ADCY7: variants seen among roughly 807,000 people sequenced by gnomAD.
ADCY7 encodes the protein adenylate cyclase 7.
In ADCY7, 72 loss-of-function variants were observed where a neutral mutation model predicts 120.6. That is an observed-to-expected ratio of 0.60 (90% CI 0.49 to 0.73). The LOEUF is 0.73. ADCY7 is among the 30% of genes least tolerant of loss of function. ADCY7 has a pLI of 0.00. For synonymous variants in ADCY7, 661 were observed against 628.0 expected (o/e 1.05, Z -0.78); for missense variants, 1,227 against 1,486.0 (o/e 0.83, Z 2.87).
At chr16:50,252,927 ACTT>A (rs1402662056) in intron 1 of ADCY7, among the ~76,000 whole-genome samples, 3 of 152,156 alleles carry the variant, frequency 2.0e-5, no homozygotes, top group Admixed American at 1.3e-4. Flanking sequence ...ATTCTTCCAG[ACTT>A]CTTTTCTTTT....
chr16:50,294,565 C>G, intron 6 of ADCY7, 75 bp from the exon 7 acceptor site: 1 of 995,462 alleles, frequency 1.0e-6, no homozygotes, highest in Non-Finnish European at 1.5e-6. Context: ...GGGCTCCAGA[C>G]AGTCCTGCGT....
chr16:50,314,116 C>G (rs1324983132), intron 23 of ADCY7, 54 bp downstream of exon 23: 1 of 1,515,818 alleles, frequency 6.6e-7, no homozygotes, highest in Non-Finnish European at 9.1e-7. Context: ...TAAAGGTGAC[C>G]TGTCACCTTA....
upstream of ADCY7, among the ~76,000 whole-genome samples, chr16:50,245,440 C>T (rs2032549703): frequency 6.6e-6 from 1 of 152,164 alleles, no homozygotes; most frequent in Non-Finnish European, 1.5e-5. Context: ...ACCTCCTCTG[C>T]CCCTCCCAGG....
Position 50,301,064 on chromosome 16 carries a change from G to A in ADCY7, c.1236-18G>A. On this transcript the variant is annotated intron_variant, in intron 9 of 25. Transcript: ENST00000673801. ...CTCTCTGGGCCCCAAGGCTCTGCCTGACTTGGGTCTCCCGTAGCCGGGTGC... is the reference window on the plus strand; with the variant it reads ...CTCTCTGGGCCCCAAGGCTCTGCCTAACTTGGGTCTCCCGTAGCCGGGTGC... 1 of 1,611,930 alleles carries A rather than the reference G, an allele frequency of 6.2e-7. No homozygotes were observed. Among genetic ancestry groups the A allele is most frequent in the Non-Finnish European group, 8.5e-7 (1 of 1,179,028 alleles).
chr16:50,293,635 G>A lies in ADCY7; in HGVS notation c.836+133G>A, dbSNP rs1458749396. On this transcript the variant is annotated intron_variant, in intron 6 of 25. Coordinates refer to ENST00000673801, the MANE Select transcript of ADCY7 (RefSeq NM_001114.5). ...ATAGGGATTGGGAGAGGGCCCCATG[G>A]TTCCAGGTCAATCTGGGGCCCTCCC... The A allele has an allele frequency of 1.6e-5, 19 of 1,151,582 alleles. No individual in the cohort carries two copies. The South Asian group carries it at 2.4e-4, about 15-fold the overall frequency. 71.3% of individuals were successfully genotyped at this position (1,151,582 alleles called of 1,614,324 possible).
chr16:50,290,692 C>A (rs368612592), intron 3 of ADCY7, 32 bp downstream of exon 3: 1 of 1,595,328 alleles, frequency 6.3e-7, no homozygotes, highest in Non-Finnish European at 8.6e-7. Context: ...CTGCCAGCTG[C>A]GCCTTCAGCA....
intron 1 of ADCY7, among the ~76,000 whole-genome samples, chr16:50,272,091 G>T (rs1277486219): frequency 1.3e-5 from 2 of 151,154 alleles, no homozygotes; most frequent in Admixed American, 6.6e-5. Flanking sequence ...CCCAGGCTCT[G>T]CCCATTCTTG....
At chr16:50,291,187 C>T (rs1361737345) in intron 3 of ADCY7, among the ~76,000 whole-genome samples, 1 of 152,170 alleles carries the variant, frequency 6.6e-6, no homozygotes. Flanking sequence ...AGCGGTAGCA[C>T]ACTCTGACCA....
chr16:50,268,203 G>A (rs1373043643), intron 1 of ADCY7, among the ~76,000 whole-genome samples: 3 of 152,028 alleles, frequency 2.0e-5, no homozygotes, highest in East Asian at 1.9e-4. Flanking sequence ...GGCTTAAGCC[G>A]TCCTCCTCCC....
chr16:50,307,024 C>T lies in ADCY7; in HGVS notation c.1753-26C>T, dbSNP rs751421115. On this transcript the variant is annotated intron_variant, in intron 14 of 25. Transcript: ENST00000673801. ...GGGCAAGTGGCACTGCTGGTGGCCA[C>T]CCCTCACAGTCCCTGCTGCCCCCAG... The T allele has an allele frequency of 2.5e-6, 4 of 1,589,918 alleles. No individual in the cohort carries two copies. In the South Asian group the frequency reaches 4.4e-5, roughly 18 times the overall value.
At position 50,291,775 on chromosome 16, in the gene ADCY7, C is replaced by A; in HGVS notation, c.415C>A (p.Leu139Ile). The A allele has an allele frequency of 6.2e-7, 1 of 1,614,178 alleles. No individual in the cohort carries two copies. The highest frequency in any genetic ancestry group is 8.5e-7 in the Non-Finnish European group (1 of 1,180,010). ...GTTCATTGTCTTCGTGGTGTACACA[C>A]TACTGCCCTTCAGCATGCGGGGCGC... ...FLFIVFVVYT[L>I]LPFSMRGAVA... Residue 139 changes from leucine to isoleucine, a missense_variant, in exon 4 of 26, where the codon CTA becomes ATA. Transcript: ENST00000673801.
At chr16:50,275,261 G>A (rs1402629481) in intron 1 of ADCY7, among the ~76,000 whole-genome samples, 3 of 152,216 alleles carry the variant, frequency 2.0e-5, no homozygotes, top group Non-Finnish European at 2.9e-5. Flanking sequence ...GGCTGGTCCC[G>A]CCAGCACCTG....
At chr16:50,292,852 C>T (rs760648441) in intron 5 of ADCY7, 27 bp downstream of exon 5, 1 of 1,608,032 alleles carries the variant, frequency 6.2e-7, no homozygotes, top group South Asian at 1.1e-5. Flanking sequence ...ACTCCTCACC[C>T]TGTACACCCC....
chr16:50,299,144 G>A (rs1316707927), intron 8 of ADCY7, 113 bp downstream of exon 8: 2 of 1,385,784 alleles, frequency 1.4e-6, no homozygotes, highest in Admixed American at 5.6e-5. Context: ...GGCTCGGGGG[G>A]TTGGGGGTGA....
chr16:50,287,078 C>T (rs1056628449), intron 1 of ADCY7, among the ~76,000 whole-genome samples: 2 of 151,336 alleles, frequency 1.3e-5, no homozygotes, highest in Non-Finnish European at 2.9e-5. Flanking sequence ...TGCAATGGCA[C>T]GATCTCAGCT....
Position 50,309,670 on chromosome 16 carries a change from G to A in ADCY7, c.2160+24G>A, listed in dbSNP as rs376079460. On this transcript the variant is annotated intron_variant, in intron 18 of 25. Transcript: ENST00000673801. The stretch of plus-strand genomic sequence containing the variant: ...CGGTGAGTGCGCCGGGCCCGGCTCC[G>A]TGGCCTCATTCAGAGTGGGGCTGCT... 3,381 of 1,596,174 alleles carry A rather than the reference G, an allele frequency of 2.1e-3. 15 individuals are homozygous for A. Among genetic ancestry groups the A allele is most frequent in the South Asian group, 4.5e-3 (406 of 90,320 alleles).
Position 50,315,427 on chromosome 16 carries a change from C to T in ADCY7, c.3165C>T (p.Asn1055=), listed in dbSNP as rs778823203. 39 of 1,614,156 alleles carry T rather than the reference C, an allele frequency of 2.4e-5. No individual in the cohort carries two copies. In the Admixed American group the frequency reaches 4.0e-4, roughly 17 times the overall value. The change falls in exon 26 of 26, where the codon AAC becomes AAT. Residue 1055 remains asparagine, a synonymous_variant. Coordinates refer to ENST00000673801, the MANE Select transcript of ADCY7 (RefSeq NM_001114.5). ...GYSCECRGLI[N]VKGKGELRTY... Reference sequence around the variant, plus strand: ...CTTGTGAATGCCGTGGCCTGATCAACGTCAAAGGCAAAGGCGAGCTGAGGA... The same window carrying T: ...CTTGTGAATGCCGTGGCCTGATCAATGTCAAAGGCAAAGGCGAGCTGAGGA...
chr16:50,287,693 AAAAG>A (rs2034667528), intron 1 of ADCY7, among the ~76,000 whole-genome samples: 1 of 151,738 alleles, frequency 6.6e-6, no homozygotes, highest in African/African-American at 2.4e-5. Context: ...AAAAAAAAAA[AAAAG>A]CAGCCACATG....
At chr16:50,278,865 T>G (rs1418064242) in intron 1 of ADCY7, among the ~76,000 whole-genome samples, 1 of 105,776 alleles carries the variant, frequency 9.5e-6, no homozygotes, top group African/African-American at 4.2e-5. Flanking sequence ...TGGATCTCTC[T>G]CTCTCTCTCT....
Sources: gnomAD v4.1 joint callset for allele counts (sites outside exome capture counted in the v4.1 genomes callset) on GRCh38, gnomAD v4.1.1 for gene constraint, MANE v1.5 for transcripts, NCBI Gene and HGNC (gene_info 2026-07-23, HGNC 2026-07-21) for gene names.